The following FANK1 variants were observed in gnomAD, a reference collection of about 807,000 sequenced individuals.
FANK1 encodes the protein fibronectin type 3 and ankyrin repeat domains protein 1.
Under a neutral mutation model 45.3 loss-of-function variants are expected in FANK1, and 44 were observed. The observed-to-expected ratio is 0.97, with a 90% CI of 0.76 to 1.25. The LOEUF (loss-of-function observed/expected upper bound fraction) is 1.25, where lower values mean the gene tolerates loss of function less well. Among genes scored for constraint, FANK1 ranks in the 50% most tolerant of loss-of-function variants. The pLI, the probability that FANK1 is intolerant of heterozygous loss-of-function variation, is 0.00. For synonymous variants in FANK1, 149 were observed against 152.5 expected (o/e 0.98, Z 0.17); for missense variants, 391 against 424.4 (o/e 0.92, Z 0.69).
At chr10:125,904,415 A>G (rs1945307633) in intron 1 of FANK1, among the ~76,000 whole-genome samples, 1 of 152,248 alleles carries the variant, frequency 6.6e-6, no homozygotes, top group African/African-American at 2.4e-5. Context: ...TGAAAGGGAA[A>G]AAATAACACC....
At position 125,897,676 on chromosome 10, in the gene FANK1, A is replaced by C. The variant is rs537800891; in HGVS notation, c.13+1021A>C. ...GGAGAAAGCTTGCAAGTTGTGACTT[A>C]TAGTTGCTTGATAGATTTTGTACAG... is the stretch of plus-strand genomic sequence containing the variant. On this transcript the variant is annotated intron_variant, in intron 1 of 10. Coordinates refer to ENST00000368693, the MANE Select transcript of FANK1 (RefSeq NM_145235.5). Among the ~76,000 whole-genome samples, 3 of 152,424 alleles carry C rather than the reference A, an allele frequency of 2.0e-5. No homozygotes were observed. The East Asian group carries it at 5.8e-4, about 29-fold the overall frequency.
At chr10:125,940,139 A>G (rs1189152165) in intron 1 of FANK1, among the ~76,000 whole-genome samples, 1 of 152,128 alleles carries the variant, frequency 6.6e-6, no homozygotes, top group African/African-American at 2.4e-5. Flanking sequence ...GGGACAAGAG[A>G]CTGAGAAAAT....
chr10:126,006,764 G>A (rs1312670402), intron 7 of FANK1, among the ~76,000 whole-genome samples: 16 of 152,234 alleles, frequency 1.1e-4, no homozygotes, highest in Non-Finnish European at 4.4e-5. Flanking sequence ...GGAGGCTGAA[G>A]CAGGAGAATT....
intron 1 of FANK1, among the ~76,000 whole-genome samples, chr10:125,965,900 A>G (rs1480017773): frequency 6.6e-6 from 1 of 152,238 alleles, no homozygotes; most frequent in Non-Finnish European, 1.5e-5. Flanking sequence ...TTTCAAAGGC[A>G]TTATCACTAC....
intron 1 of FANK1, among the ~76,000 whole-genome samples, chr10:125,912,143 CG>C (rs1946064014): frequency 6.6e-6 from 1 of 152,150 alleles, no homozygotes; most frequent in South Asian, 2.1e-4. Context: ...ACACACAGCA[CG>C]TGTGTGGCCC....
In FANK1 at chr10:126,004,880, G is replaced by T; in HGVS notation, c.540-4G>T. On this transcript the variant is annotated splice_region_variant and splice_polypyrimidine_tract_variant and intron_variant, in intron 6 of 10. Coordinates refer to ENST00000368693, the MANE Select transcript of FANK1 (RefSeq NM_145235.5). ...TCAAATGCCGCTTCTTCCATATGTT[G>T]CAGTCTAATGCTGGCGTGCTATGCG... 6.2e-7 allele frequency: 1 copy of T among 1,613,872 alleles called. No homozygotes were observed. The highest frequency in any genetic ancestry group is 8.5e-7 in the Non-Finnish European group (1 of 1,179,824).
chr10:125,997,878 T>A (rs1441635775), intron 6 of FANK1, among the ~76,000 whole-genome samples: 2 of 152,234 alleles, frequency 1.3e-5, no homozygotes, highest in African/African-American at 4.8e-5. Flanking sequence ...CATTCATTGC[T>A]AAGAAATCTT....
intron 1 of FANK1, among the ~76,000 whole-genome samples, chr10:125,971,296 C>G (rs1453098037): frequency 6.6e-6 from 1 of 152,008 alleles, no homozygotes; most frequent in Non-Finnish European, 1.5e-5. Context: ...AAGTAAACAT[C>G]AGTCAAACTC....
intron 1 of FANK1, among the ~76,000 whole-genome samples, chr10:125,897,279 A>C (rs1291701112): frequency 2.0e-5 from 3 of 152,304 alleles, no homozygotes; most frequent in Non-Finnish European, 2.9e-5. Flanking sequence ...CTTTCGATGT[A>C]TGGCAAAAGT....
chr10:125,992,504 A>T (rs1952016396), intron 3 of FANK1, among the ~76,000 whole-genome samples: 1 of 152,106 alleles, frequency 6.6e-6, no homozygotes, highest in South Asian at 2.1e-4. Flanking sequence ...CTCTTCAGTG[A>T]GGTGTCCCTT....
chr10:125,989,229 G>A, intron 3 of FANK1: 1 of 1,514,228 alleles, frequency 6.6e-7, no homozygotes, highest in Non-Finnish European at 8.9e-7. Context: ...TTTTAAGGTT[G>A]TTTCTGAGAT....
chr10:125,947,283 T>C (rs1030822145), intron 1 of FANK1, among the ~76,000 whole-genome samples: 4 of 149,972 alleles, frequency 2.7e-5, no homozygotes, highest in Non-Finnish European at 4.5e-5. Flanking sequence ...TAAATGTAAA[T>C]GGACTAAATT....
At position 125,950,065 on chromosome 10, in the gene FANK1, G is replaced by T. The variant is rs1256378336; in HGVS notation, c.14-30096G>T. Among the ~76,000 whole-genome samples, 39 of 139,540 alleles carry T rather than the reference G, an allele frequency of 2.8e-4. No homozygotes were observed. In the South Asian group the frequency reaches 9.1e-3, roughly 33 times the overall value. The allele number at this position is 139,540 out of a possible 152,430, so 91.5% of individuals were successfully genotyped here. A position where few individuals can be genotyped will look rare whatever the true frequency, so the allele number is the denominator to read the frequency against. On this transcript the variant is annotated intron_variant, in intron 1 of 10. Coordinates refer to ENST00000368693, the MANE Select transcript of FANK1 (RefSeq NM_145235.5). ...TGCTGGGAAAACTGGCTAGCCATATGTAGAAAGCTGAAACTGGATCCCTTC... is the reference window on the plus strand; with the variant it reads ...TGCTGGGAAAACTGGCTAGCCATATTTAGAAAGCTGAAACTGGATCCCTTC...
At chr10:125,994,536 A>T (rs544061681) in intron 3 of FANK1, 2 of 985,286 alleles carry the variant, frequency 2.0e-6, no homozygotes, top group African/African-American at 3.5e-5. Flanking sequence ...CTGTACTGTC[A>T]CCCCCAACAA....
chr10:125,932,168 G>T (rs1447596192), intron 1 of FANK1, among the ~76,000 whole-genome samples: 3 of 152,110 alleles, frequency 2.0e-5, no homozygotes, highest in Non-Finnish European at 4.4e-5. Flanking sequence ...GCTTAGTCTT[G>T]CTTTGGCTCT....
At chr10:125,950,175 C>A (rs1949105626) in intron 1 of FANK1, among the ~76,000 whole-genome samples, 1 of 150,310 alleles carries the variant, frequency 6.7e-6, no homozygotes, top group African/African-American at 2.4e-5. Context: ...AGAAGAAAAC[C>A]TAGGCATTAC....
At chr10:126,005,186 G>A (rs1162544789) in intron 7 of FANK1, 137 bp downstream of exon 7, 2 of 987,190 alleles carry the variant, frequency 2.0e-6, no homozygotes, top group Non-Finnish European at 2.9e-6. Context: ...TAGCAAGAAA[G>A]CCCCTGAAAC....
At chr10:125,989,461 A>G (rs1285176124) in intron 3 of FANK1, 1 of 1,084,204 alleles carries the variant, frequency 9.2e-7, no homozygotes, top group Admixed American at 2.0e-5. Context: ...TGTGCTTTCC[A>G]TGGCTTTCAA....
chr10:125,960,463 C>T (rs1456050504), intron 1 of FANK1: 1 of 171,024 alleles, frequency 5.8e-6, no homozygotes, highest in African/African-American at 2.4e-5. Context: ...TCAGCCCTGC[C>T]AGGCCCTGAG....
Sources: gnomAD v4.1 joint callset for allele counts (sites outside exome capture counted in the v4.1 genomes callset) on GRCh38, gnomAD v4.1.1 for gene constraint, MANE v1.5 for transcripts, NCBI Gene and HGNC (gene_info 2026-07-23, HGNC 2026-07-21) for gene names.